The following PCDH11X variants were observed in gnomAD, a reference collection of about 807,000 sequenced individuals.
PCDH11X encodes the protein protocadherin 11 X-linked, also known as protocadherin-11 X-linked.
In PCDH11X, 18 loss-of-function variants were observed where a neutral mutation model predicts 53.3. That is an observed-to-expected ratio of 0.34 (90% CI 0.23 to 0.50). The LOEUF (loss-of-function observed/expected upper bound fraction) is 0.50. Among genes scored for constraint, PCDH11X ranks in the 20% least tolerant of loss-of-function variants. The pLI is 0.98. For synonymous variants in PCDH11X, 279 were observed against 393.3 expected, an observed-to-expected ratio of 0.71 and a Z score of 3.44; for missense variants, 570 against 1,032.4, an observed-to-expected ratio of 0.55 and a Z score of 6.14.
chrX:92,420,198 A>G (rs904886079), intron 9 of PCDH11X, among the ~76,000 whole-genome samples: 8 of 111,616 alleles, frequency 7.2e-5, no homozygotes, highest in African/African-American at 2.3e-4. Context: ...TTTTCCCACA[A>G]ACCTTTTTGT....
chrX:92,004,093 A>G lies in PCDH11X; in HGVS notation c.3033+124820A>G, dbSNP rs545476239. On this transcript the variant is annotated intron_variant, in intron 6 of 10. Transcript: ENST00000682573. The stretch of plus-strand genomic sequence containing the variant: ...TTTGGTATGTTGTGTTTCCATTATG[A>G]TTTGTTTCAAGAAATTTTTGAATTC... 1.2e-4 allele frequency among the ~76,000 whole-genome samples: 13 copies of G among 109,946 alleles called. No individual in the cohort carries two copies. In the South Asian group the frequency reaches 4.2e-3, roughly 36 times the overall value.
intron 10 of PCDH11X, among the ~76,000 whole-genome samples, chrX:92,518,748 A>ATTT (rs762759156): frequency 1.2e-4 from 7 of 59,440 alleles, no homozygotes; most frequent in Non-Finnish European, 1.5e-4. Context: ...TACCAATAAA[A>ATTT]TTTTTTTTTT....
chrX:92,604,792 C>G (rs1397486354), intron 10 of PCDH11X, among the ~76,000 whole-genome samples: 13 of 108,764 alleles, frequency 1.2e-4, no homozygotes, highest in Non-Finnish European at 2.3e-4. Context: ...AGTGACTACA[C>G]TAATATCCGG....
chrX:91,948,607 A>G (rs1184236866), intron 6 of PCDH11X, among the ~76,000 whole-genome samples: 1 of 110,202 alleles, frequency 9.1e-6, no homozygotes, highest in Admixed American at 9.9e-5. Flanking sequence ...GTTAAAGAAA[A>G]GCATTATTTA....
At position 92,486,515 on chromosome X, in the gene PCDH11X, C is replaced by T. The variant is rs191024949; in HGVS notation, c.3367+18193C>T. 2.1e-4 allele frequency among the ~76,000 whole-genome samples: 23 copies of T among 111,328 alleles called. No homozygotes were observed. In the East Asian group the frequency reaches 5.6e-3, roughly 27 times the overall value. ...AAAGTAAAAATCATTGACATAAATG[C>T]AAAGATGTGAAAAAGTAAATTGACT... On this transcript the variant is annotated intron_variant, in intron 10 of 10. Coordinates refer to ENST00000682573, the MANE Select transcript of PCDH11X (RefSeq NM_032968.5).
intron 10 of PCDH11X, among the ~76,000 whole-genome samples, chrX:92,579,409 C>T (rs1923384032): frequency 1.9e-5 from 2 of 108,023 alleles, no homozygotes; most frequent in South Asian, 8.2e-4. Flanking sequence ...GGTCTTTTTA[C>T]ATAATTTGAT....
At chrX:91,847,122 A>G (rs764405037) in intron 5 of PCDH11X, among the ~76,000 whole-genome samples, 7 of 109,295 alleles carry the variant, frequency 6.4e-5, no homozygotes, top group African/African-American at 2.4e-4. Context: ...TGTAGCTTAA[A>G]GAATGAATTA....
At chrX:92,180,444 T>G (rs1402500423) in intron 6 of PCDH11X, among the ~76,000 whole-genome samples, 1 of 111,444 alleles carries the variant, frequency 9.0e-6, no homozygotes, top group African/African-American at 3.3e-5. Context: ...CCTCTAAACA[T>G]TCTAGTGCCC....
intron 1 of PCDH11X, among the ~76,000 whole-genome samples, chrX:91,781,890 G>C (rs1472721649): frequency 1.8e-5 from 2 of 112,634 alleles, no homozygotes; most frequent in South Asian, 3.7e-4. Context: ...GAATTGCCGC[G>C]ACAGTTCCCA....
At chrX:92,547,538 G>A (rs927940171) in intron 10 of PCDH11X, among the ~76,000 whole-genome samples, 2 of 107,202 alleles carry the variant, frequency 1.9e-5, no homozygotes, top group Non-Finnish European at 3.8e-5. Context: ...TCCCTCCCTC[G>A]CTCTCCCTTC....
chrX:92,230,496 TATA>T (rs1345454189), intron 7 of PCDH11X, among the ~76,000 whole-genome samples: 13 of 92,658 alleles, frequency 1.4e-4, no homozygotes, highest in African/African-American at 2.3e-4. Flanking sequence ...AAAATACATA[TATA>T]ATATCTATAA....
chrX:91,963,753 A>G (rs2061825951), intron 6 of PCDH11X, among the ~76,000 whole-genome samples: 1 of 111,320 alleles, frequency 9.0e-6, no homozygotes, highest in Non-Finnish European at 1.9e-5. Flanking sequence ...TTGTAAAGGA[A>G]AAATATTTAA....
At chrX:92,391,765 AG>A (rs770021843) in intron 9 of PCDH11X, among the ~76,000 whole-genome samples, 1 of 111,124 alleles carries the variant, frequency 9.0e-6, no homozygotes, top group Non-Finnish European at 1.9e-5. Flanking sequence ...TGGATCTAAA[AG>A]GGTAACTACT....
At chrX:92,144,290 G>A (rs2065236180) in intron 6 of PCDH11X, among the ~76,000 whole-genome samples, 1 of 108,361 alleles carries the variant, frequency 9.2e-6, no homozygotes, top group Admixed American at 9.9e-5. Context: ...GATTTGGAGG[G>A]GCCAGGGGCG....
At chrX:92,581,316 A>G (rs1345274945) in intron 10 of PCDH11X, among the ~76,000 whole-genome samples, 1 of 111,271 alleles carries the variant, frequency 9.0e-6, no homozygotes, top group African/African-American at 3.3e-5. Flanking sequence ...CCCAAATCTT[A>G]TCTTGAATTG....
At chrX:92,024,730 A>AC (rs2062941757) in intron 6 of PCDH11X, among the ~76,000 whole-genome samples, 1 of 108,218 alleles carries the variant, frequency 9.2e-6, no homozygotes, top group African/African-American at 3.3e-5. Flanking sequence ...AAAAAAAAAA[A>AC]AAAAAAACAA....
intron 1 of PCDH11X, among the ~76,000 whole-genome samples, chrX:91,808,529 T>C (rs1477524097): frequency 9.2e-6 from 1 of 109,242 alleles, no homozygotes; most frequent in African/African-American, 3.3e-5. Context: ...GTGTGATGGA[T>C]CTGGTCATTG....
intron 6 of PCDH11X, among the ~76,000 whole-genome samples, chrX:92,123,445 T>C (rs2064807659): frequency 1.8e-5 from 2 of 111,840 alleles, no homozygotes; most frequent in South Asian, 7.5e-4. Flanking sequence ...TTTCTCTTGA[T>C]GGTATCATAT....
intron 6 of PCDH11X, among the ~76,000 whole-genome samples, chrX:92,192,067 G>A (rs769292583): frequency 2.8e-4 from 31 of 111,319 alleles, no homozygotes; most frequent in Non-Finnish European, 5.7e-4. Flanking sequence ...TTATGATATG[G>A]ATCTTGATAT....
Sources: allele counts gnomAD v4.1 joint callset (sites outside exome capture counted in the v4.1 genomes callset), GRCh38; gene constraint gnomAD v4.1.1; transcripts MANE v1.5; gene names NCBI Gene and HGNC (gene_info 2026-07-23, HGNC 2026-07-21).